The following SETBP1 variants were observed in gnomAD, a reference collection of about 807,000 sequenced individuals.
SETBP1 encodes SET-binding protein.
SETBP1 carries 9 observed loss-of-function variants against 101.0 expected under a neutral mutation model. That is an observed-to-expected ratio of 0.09 (90% CI 0.05 to 0.16). SETBP1 has a LOEUF of 0.16. Among genes scored for constraint, SETBP1 ranks in the 10% least tolerant of loss-of-function variants. The pLI, the probability that SETBP1 is intolerant of heterozygous loss-of-function variation, is 1.00. For missense variants in SETBP1, 1,858 were observed against 2,033.8 expected, an observed-to-expected ratio of 0.91 and a Z score of 1.66; for synonymous variants, 818 against 788.5, an observed-to-expected ratio of 1.04 and a Z score of -0.63.
At chr18:44,738,621 A>G (rs574648859) in intron 2 of SETBP1, among the ~76,000 whole-genome samples, 2 of 152,126 alleles carry the variant, frequency 1.3e-5, no homozygotes, top group South Asian at 4.2e-4. Flanking sequence ...TAAAAATACA[A>G]AAACTAGCTG....
intron 2 of SETBP1, among the ~76,000 whole-genome samples, chr18:44,709,136 A>G (rs1358364957): frequency 1.3e-5 from 2 of 152,128 alleles, no homozygotes; most frequent in Non-Finnish European, 2.9e-5. Flanking sequence ...CTGGGGGTTT[A>G]AAACATGTAG....
At chr18:44,723,671 A>AACCT (rs1448879982) in intron 2 of SETBP1, among the ~76,000 whole-genome samples, 31 of 152,044 alleles carry the variant, frequency 2.0e-4, no homozygotes, top group Admixed American at 1.3e-4. Flanking sequence ...AACCTTCCTG[A>AACCT]ACCTACCACG....
intron 2 of SETBP1, among the ~76,000 whole-genome samples, chr18:44,868,288 T>G (rs2069173587): frequency 6.6e-6 from 1 of 151,976 alleles, no homozygotes; most frequent in African/African-American, 2.4e-5. Context: ...AAATCCTAAA[T>G]AGTGTATAAA....
chr18:44,970,867 C>CT (rs762332205), intron 4 of SETBP1, among the ~76,000 whole-genome samples: 168 of 147,068 alleles, frequency 1.1e-3, no homozygotes, highest in African/African-American at 3.2e-3. Flanking sequence ...GTTTTCTTTT[C>CT]TTTTTTTTTT....
At chr18:45,003,812 T>C (rs1441477588) in intron 4 of SETBP1, among the ~76,000 whole-genome samples, 1 of 152,224 alleles carries the variant, frequency 6.6e-6, no homozygotes, top group Non-Finnish European at 1.5e-5. Flanking sequence ...GGTGACTCTC[T>C]TTTAAATTCC....
chr18:44,813,898 C>T (rs2071916385), intron 2 of SETBP1, among the ~76,000 whole-genome samples: 1 of 152,182 alleles, frequency 6.6e-6, no homozygotes, highest in Non-Finnish European at 1.5e-5. Flanking sequence ...TCCAAATCTC[C>T]TGGAGTTGTA....
intron 3 of SETBP1, among the ~76,000 whole-genome samples, chr18:44,897,785 G>A (rs193166730): frequency 1.3e-5 from 2 of 152,282 alleles, no homozygotes; most frequent in African/African-American, 4.8e-5. Flanking sequence ...GCTAATGGGG[G>A]AAGACAATCT....
At chr18:44,767,404 C>G (rs566055107) in intron 2 of SETBP1, among the ~76,000 whole-genome samples, 2 of 152,216 alleles carry the variant, frequency 1.3e-5, no homozygotes, top group Admixed American at 1.3e-4. Context: ...TGGGCACAGA[C>G]CAACTTATTA....
At position 44,713,474 on chromosome 18, in the gene SETBP1, C is replaced by A. The variant is rs1438887205; in HGVS notation, c.486+11642C>A. Among the ~76,000 whole-genome samples the A allele has an allele frequency of 2.6e-5, 4 of 152,264 alleles. No individual in the cohort carries two copies. In the East Asian group the frequency reaches 7.7e-4, roughly 29 times the overall value. ...CCTTGTATTCCATGGTTTCCTGGTG[C>A]CAAACCACCCTGGTTCCTGTGCTGG... On this transcript the variant is annotated intron_variant, in intron 2 of 5. Coordinates refer to ENST00000649279, the MANE Select transcript of SETBP1 (RefSeq NM_015559.3).
At chr18:44,747,009 A>C (rs58306981) in intron 2 of SETBP1, among the ~76,000 whole-genome samples, 46,774 of 152,100 alleles carry the variant, frequency 0.31, 7,417 homozygotes, top group East Asian at 0.41. Flanking sequence ...ATGGCCAGAG[A>C]TAGACCTTGG....
intron 2 of SETBP1, among the ~76,000 whole-genome samples, chr18:44,779,548 C>A (rs2071080631): frequency 6.6e-6 from 1 of 151,986 alleles, no homozygotes; most frequent in Non-Finnish European, 1.5e-5. Flanking sequence ...CGTGGTTACA[C>A]TGGGGACAAA....
chr18:44,820,448 G>A (rs571388580), intron 2 of SETBP1, among the ~76,000 whole-genome samples: 4 of 152,258 alleles, frequency 2.6e-5, no homozygotes, highest in South Asian at 2.1e-4. Context: ...GAACTGTGAG[G>A]TCCAGCCTGG....
chr18:44,716,108 G>A (rs973600713), intron 2 of SETBP1, among the ~76,000 whole-genome samples: 1 of 151,962 alleles, frequency 6.6e-6, no homozygotes, highest in Non-Finnish European at 1.5e-5. Context: ...CCTTTGTTCC[G>A]AGGCAACCTC....
chr18:44,892,579 G>A (rs1026605759), intron 3 of SETBP1, among the ~76,000 whole-genome samples: 4 of 152,080 alleles, frequency 2.6e-5, no homozygotes, highest in African/African-American at 9.7e-5. Flanking sequence ...GTCTCTGCTT[G>A]AAAGTTTCCA....
chr18:44,913,985 A>C (rs573776769), intron 3 of SETBP1, among the ~76,000 whole-genome samples: 62 of 152,326 alleles, frequency 4.1e-4, no homozygotes, highest in South Asian at 1.2e-3. Flanking sequence ...TAATAATAAT[A>C]ATGCAGGACT....
intron 5 of SETBP1, among the ~76,000 whole-genome samples, chr18:45,055,982 T>C (rs2073801938): frequency 6.6e-6 from 1 of 152,256 alleles, no homozygotes. Context: ...GCAGTTACTT[T>C]CTGGCCCAGT....
chr18:44,817,180 C>T (rs1465110387), intron 2 of SETBP1, among the ~76,000 whole-genome samples: 1 of 152,122 alleles, frequency 6.6e-6, no homozygotes, highest in East Asian at 1.9e-4. Context: ...AGAGACTTTA[C>T]AAAAAGTGCA....
At chr18:44,716,852 G>A (rs913203399) in intron 2 of SETBP1, among the ~76,000 whole-genome samples, 7 of 152,098 alleles carry the variant, frequency 4.6e-5, no homozygotes, top group East Asian at 1.9e-4. Context: ...ATTAGCCACC[G>A]CCCTTATCCA....
chr18:44,725,338 C>A (rs2069683522), intron 2 of SETBP1, among the ~76,000 whole-genome samples: 1 of 152,056 alleles, frequency 6.6e-6, no homozygotes, highest in Admixed American at 6.5e-5. Context: ...TCTGGCTATC[C>A]CAGGGCCTCT....
Sources: allele counts gnomAD v4.1 joint callset (sites outside exome capture counted in the v4.1 genomes callset), GRCh38; gene constraint gnomAD v4.1.1; transcripts MANE v1.5; gene names NCBI Gene and HGNC (gene_info 2026-07-23, HGNC 2026-07-21).